Variants in USH1C observed in about 807,000 individuals in gnomAD.
USH1C encodes the protein USH1 protein network component harmonin.
In USH1C, 90 loss-of-function variants were observed where a neutral mutation model predicts 119.3. The ratio of observed to expected loss-of-function variants is 0.75; its 90% CI spans 0.64 to 0.90. The LOEUF (loss-of-function observed/expected upper bound fraction) is 0.90. Ranked by LOEUF, USH1C falls within the 40% of genes least tolerant of loss-of-function variation. USH1C has a pLI of 0.00. For synonymous variants in USH1C, 465 were observed against 443.3 expected (o/e 1.05, Z -0.62); for missense variants, 1,165 against 1,167.7 (o/e 1.00, Z 0.03).
chr11:17,526,204 CA>C (rs887719118), intron 8 of USH1C, 142 bp downstream of exon 8: 11 of 727,398 alleles, frequency 1.5e-5, no homozygotes, highest in African/African-American at 8.7e-5. Context: ...CTGTATCTAA[CA>C]AAAAAAGTAT....
intron 26 of USH1C, chr11:17,494,721 A>C (rs900928624): frequency 1.8e-4 from 71 of 385,152 alleles, no homozygotes; most frequent in African/African-American, 1.4e-3. Context: ...TCTTGGGAGC[A>C]TGAGGCCCTA....
intron 2 of USH1C, among the ~76,000 whole-genome samples, chr11:17,532,349 G>A (rs1851027772): frequency 6.6e-6 from 1 of 152,058 alleles, no homozygotes; most frequent in Non-Finnish European, 1.5e-5. Flanking sequence ...CCAGGCTGGA[G>A]TGCATTGATG....
rs527673028 is a variant in USH1C at position 17,509,949 on chromosome 11, A to G, written c.1531-111T>C. On this transcript the variant is annotated intron_variant, in intron 17 of 26. Transcript: ENST00000005226. ...CTGTTTCTCTTGCTACTGGAGACCC[A>G]CCACCCTTACATCAGAACCATGGGG... 461 of 1,307,690 alleles carry G rather than the reference A, an allele frequency of 3.5e-4. 4 individuals are homozygous for G. The highest frequency in any genetic ancestry group is 3.0e-5 in the Non-Finnish European group (29 of 961,678). The allele number at this position is 1,307,690 out of a possible 1,614,324, so 81.0% of individuals were successfully genotyped here.
intron 16 of USH1C, among the ~76,000 whole-genome samples, chr11:17,510,778 G>A (rs1241068892): frequency 6.6e-6 from 1 of 152,104 alleles, no homozygotes; most frequent in Non-Finnish European, 1.5e-5. Flanking sequence ...TATTGTGAGG[G>A]ATTAGCTGGA....
intron 19 of USH1C, among the ~76,000 whole-genome samples, chr11:17,504,911 A>G (rs576394472): frequency 6.6e-6 from 1 of 152,332 alleles, no homozygotes; most frequent in Admixed American, 6.5e-5. Flanking sequence ...GCCAGAGAAC[A>G]TGACATGGAT....
intron 14 of USH1C, chr11:17,517,404 C>T (rs1332710805): frequency 1.3e-6 from 2 of 1,582,412 alleles, no homozygotes; most frequent in Non-Finnish European, 1.7e-6. Context: ...CGCGAACCTG[C>T]TCTCCCTGCT....
intron 18 of USH1C, 117 bp downstream of exon 18, chr11:17,509,239 G>C (rs1178576787): frequency 3.6e-6 from 5 of 1,387,242 alleles, no homozygotes; most frequent in African/African-American, 1.4e-5. Flanking sequence ...CCTGGAAAAT[G>C]GGGTGAGATG....
At position 17,526,664 on chromosome 11, in the gene USH1C, T is replaced by C. The variant is rs532399392; in HGVS notation, c.579+89A>G. 545 of 1,426,332 alleles carry C rather than the reference T, an allele frequency of 3.8e-4. 10 individuals carry two copies. In the South Asian group the frequency reaches 4.6e-3, roughly 12 times the overall value. 88.4% of individuals were successfully genotyped at this position (1,426,332 alleles called of 1,614,324 possible). A position where few individuals can be genotyped will look rare whatever the true frequency, so the allele number is the denominator to read the frequency against. On this transcript the variant is annotated intron_variant, in intron 7 of 26. Transcript: ENST00000005226. The stretch of plus-strand genomic sequence containing the variant: ...CCTGTGTGAAGCCCCTGAGGGTGCA[T>C]CTCTAGAGCAAGCCCTCCCTTCAGG...
intron 21 of USH1C, 41 bp downstream of exon 21, chr11:17,501,898 T>C: frequency 7.5e-6 from 12 of 1,609,474 alleles, no homozygotes; most frequent in Non-Finnish European, 9.3e-6. Flanking sequence ...ACTGCCCTGT[T>C]CCTGGGGTTA....
chr11:17,524,302 C>T, intron 9 of USH1C, 149 bp downstream of exon 9: 2 of 826,440 alleles, frequency 2.4e-6, no homozygotes, highest in Middle Eastern at 3.4e-4. Flanking sequence ...GTCTGTGAAG[C>T]CTTCTCTGCA....
At chr11:17,518,832 C>T (rs754429615) in intron 14 of USH1C, among the ~76,000 whole-genome samples, 5 of 152,124 alleles carry the variant, frequency 3.3e-5, no homozygotes, top group Non-Finnish European at 5.9e-5. Flanking sequence ...CCTGCCTGAC[C>T]AACATAGTGA....
intron 22 of USH1C, 136 bp from the exon 23 acceptor site, chr11:17,501,286 A>C: frequency 1.9e-6 from 2 of 1,039,610 alleles, no homozygotes; most frequent in South Asian, 2.7e-5. Flanking sequence ...CATCTGGAGA[A>C]AACGCAGCCT....
At position 17,510,555 on chromosome 11, in the gene USH1C, C is replaced by T. The variant is rs2237964; in HGVS notation, c.1414-34G>A. On this transcript the variant is annotated intron_variant, in intron 16 of 26. Coordinates refer to ENST00000005226, the MANE Select transcript of USH1C (RefSeq NM_153676.4). ...CAGGATCGGCGCAGAAAGGAGAGGA[C>T]AAAGGGCACATTTGAATAACATGTG... The T allele has an allele frequency of 0.14, 207,947 of 1,487,244 alleles. 16,781 individuals carry two copies. Among genetic ancestry groups the T allele is most frequent in the African/African-American group, 0.27 (19,451 of 72,522 alleles). The allele number at this position is 1,487,244 out of a possible 1,614,324, so 92.1% of individuals were successfully genotyped here. A position where few individuals can be genotyped will look rare whatever the true frequency, so the allele number is the denominator to read the frequency against.
At chr11:17,540,441 T>C (rs1222197190) in intron 1 of USH1C, among the ~76,000 whole-genome samples, 2 of 152,070 alleles carry the variant, frequency 1.3e-5, no homozygotes, top group East Asian at 3.9e-4. Flanking sequence ...CTCCTCTCCA[T>C]CTGCACTGTC....
At chr11:17,502,500 C>G (rs931604431) in intron 20 of USH1C, among the ~76,000 whole-genome samples, 19 of 152,332 alleles carry the variant, frequency 1.2e-4, no homozygotes, top group African/African-American at 3.1e-4. Context: ...CCACGGACAA[C>G]AAGAAGAAAG....
chr11:17,532,464 A>G (rs538194144), intron 2 of USH1C, among the ~76,000 whole-genome samples: 2 of 151,868 alleles, frequency 1.3e-5, no homozygotes, highest in Non-Finnish European at 2.9e-5. Context: ...TACCCGGCTA[A>G]TTTTTTGTAT....
intron 19 of USH1C, among the ~76,000 whole-genome samples, chr11:17,505,429 G>A (rs1482988158): frequency 6.6e-6 from 1 of 152,258 alleles, no homozygotes; most frequent in South Asian, 2.1e-4. Context: ...TCTGCCTGGG[G>A]AACCTGGTGC....
chr11:17,526,872 C>A, intron 6 of USH1C, 62 bp from the exon 7 acceptor site: 1 of 1,598,098 alleles, frequency 6.3e-7, no homozygotes. Context: ...GAACCAGGCC[C>A]CACATCCAGA....
intron 1 of USH1C, among the ~76,000 whole-genome samples, chr11:17,543,723 G>A (rs888922702): frequency 1.3e-5 from 2 of 152,178 alleles, no homozygotes; most frequent in Middle Eastern, 3.4e-3. Flanking sequence ...CCTCCCCACC[G>A]CACCCGGGTC....
Sources: gnomAD v4.1 joint callset for allele counts (sites outside exome capture counted in the v4.1 genomes callset) on GRCh38, gnomAD v4.1.1 for gene constraint, MANE v1.5 for transcripts, NCBI Gene and HGNC (gene_info 2026-07-23, HGNC 2026-07-21) for gene names.